VAV2: variants seen among roughly 807,000 people sequenced by gnomAD.
VAV2 encodes the protein vav guanine nucleotide exchange factor 2.
VAV2 carries 67 observed loss-of-function variants against 132.5 expected under a neutral mutation model. That is an observed-to-expected ratio of 0.51 (90% CI 0.42 to 0.62). VAV2 has a LOEUF of 0.62. Ranked by LOEUF, VAV2 falls within the 20% of genes least tolerant of loss-of-function variation. The pLI is 0.00. For missense variants in VAV2, 938 were observed against 1,153.6 expected (o/e 0.81, Z 2.71); for synonymous variants, 492 against 443.5 (o/e 1.11, Z -1.37).
At chr9:133,940,878 C>T (rs1327368014) in intron 1 of VAV2, among the ~76,000 whole-genome samples, 1 of 151,380 alleles carries the variant, frequency 6.6e-6, no homozygotes, top group Non-Finnish European at 1.5e-5. Context: ...ACCTTACTTG[C>T]ATTTCCCTAA....
intron 4 of VAV2, among the ~76,000 whole-genome samples, chr9:133,812,824 C>T (rs1014186844): frequency 2.0e-5 from 3 of 152,208 alleles, no homozygotes; most frequent in Non-Finnish European, 4.4e-5. Context: ...CCTACTCCAA[C>T]AAGCCACCCC....
chr9:133,792,128 G>T, intron 12 of VAV2, among the ~76,000 whole-genome samples: 1 of 49,740 alleles, frequency 2.0e-5, no homozygotes, highest in African/African-American at 8.2e-5. Context: ...GTGTGTGTGA[G>T]CGGGTTGTGC....
intron 2 of VAV2, among the ~76,000 whole-genome samples, chr9:133,937,374 T>G (rs1190830845): frequency 6.6e-6 from 1 of 150,612 alleles, no homozygotes; most frequent in African/African-American, 2.5e-5. Flanking sequence ...TGTTTGTGTG[T>G]GGTGTGTCCA....
intron 4 of VAV2, among the ~76,000 whole-genome samples, chr9:133,815,247 GT>G: frequency 6.6e-6 from 1 of 152,042 alleles, no homozygotes; most frequent in South Asian, 2.1e-4. Context: ...CCGGATCTAG[GT>G]ACAAGTCCAC....
At chr9:133,797,615 C>A (rs1333081556) in intron 10 of VAV2, 95 bp downstream of exon 10, 16 of 1,134,632 alleles carry the variant, frequency 1.4e-5, no homozygotes, top group South Asian at 6.2e-5. Context: ...ACCTTCCCAA[C>A]AAATGGGCAA....
intron 3 of VAV2, among the ~76,000 whole-genome samples, chr9:133,836,036 T>G (rs906089451): frequency 3.9e-5 from 6 of 152,200 alleles, no homozygotes; most frequent in African/African-American, 7.2e-5. Flanking sequence ...CAGGCAGAGC[T>G]GAGGCTGCCA....
chr9:133,812,407 A>G (rs1835395673), intron 4 of VAV2, among the ~76,000 whole-genome samples, 191 bp from the exon 5 acceptor site: 1 of 152,198 alleles, frequency 6.6e-6, no homozygotes, highest in East Asian at 1.9e-4. Flanking sequence ...TGGGCAGCGT[A>G]AGGCGCATCC....
intron 2 of VAV2, among the ~76,000 whole-genome samples, chr9:133,893,057 C>T (rs1024756188): frequency 3.9e-5 from 6 of 152,204 alleles, no homozygotes; most frequent in Non-Finnish European, 7.3e-5. Flanking sequence ...CGCAGTAAGG[C>T]GGACTCAGCT....
chr9:133,807,430 G>A, intron 7 of VAV2, 104 bp from the exon 8 acceptor site: 2 of 1,200,296 alleles, frequency 1.7e-6, no homozygotes, highest in Non-Finnish European at 2.3e-6. Flanking sequence ...GGCAGGCACT[G>A]GGGTGCTCCA....
intron 16 of VAV2, 45 bp from the exon 17 acceptor site, chr9:133,785,930 G>A (rs1399157827): frequency 6.5e-7 from 1 of 1,549,050 alleles, no homozygotes; most frequent in South Asian, 1.1e-5. Context: ...CACGGCTTCA[G>A]ACATCCTGGC....
intron 1 of VAV2, among the ~76,000 whole-genome samples, chr9:133,975,037 C>T (rs1842462124): frequency 6.6e-6 from 1 of 152,244 alleles, no homozygotes; most frequent in African/African-American, 2.4e-5. Context: ...TGTGGTCCAT[C>T]TCAAGGCCCT....
chr9:133,774,616 C>A (rs1001557171), intron 25 of VAV2, among the ~76,000 whole-genome samples: 1 of 152,190 alleles, frequency 6.6e-6, no homozygotes, highest in African/African-American at 2.4e-5. Flanking sequence ...CCTGAGCTCA[C>A]ACAGGATCTC....
chr9:133,791,736 T>A (rs1834469864), intron 13 of VAV2, 47 bp downstream of exon 13: 1 of 1,526,498 alleles, frequency 6.6e-7, no homozygotes, highest in South Asian at 1.1e-5. Flanking sequence ...ACTTTATAGG[T>A]ACGTCCTCAT....
rs1172816828 is a variant in VAV2, at chr9:133,935,154, A to G, written c.321+3949T>C. ...AGGAACAGGGGGAGGGCACGCAGCC[A>G]TATCTTCATGGTCTGAGGTTGCTGG... On this transcript the variant is annotated intron_variant, in intron 2 of 29. Transcript: ENST00000371850. This position sits in a 1 kb window ranked among gnomAD's most constrained non-coding sequence, Gnocchi z 5.2. Among the ~76,000 whole-genome samples the G allele has an allele frequency of 6.6e-6, 1 of 152,122 alleles. No homozygotes were observed. The highest frequency in any genetic ancestry group is 2.4e-5 in the African/African-American group (1 of 41,418).
chr9:133,938,745 A>T (rs1841020182), intron 2 of VAV2, among the ~76,000 whole-genome samples: 1 of 152,138 alleles, frequency 6.6e-6, no homozygotes, highest in Admixed American at 6.5e-5. Flanking sequence ...TCAGAGGAAG[A>T]ATCAAGATTC....
intron 3 of VAV2, among the ~76,000 whole-genome samples, chr9:133,845,104 T>C (rs1410152672): frequency 6.6e-6 from 1 of 152,264 alleles, no homozygotes; most frequent in Non-Finnish European, 1.5e-5. Flanking sequence ...TCCCCCGCTC[T>C]CGCGTCTGGC....
intron 2 of VAV2, among the ~76,000 whole-genome samples, chr9:133,900,686 G>A (rs1165596882): frequency 6.6e-6 from 1 of 152,034 alleles, no homozygotes; most frequent in East Asian, 1.9e-4. Flanking sequence ...CTATCTTTGG[G>A]ACTTTATTTA....
chr9:133,888,925 C>CCGTCATTCGCATTCGCAAGGAGA (rs1838817926), intron 2 of VAV2, among the ~76,000 whole-genome samples: 2 of 152,202 alleles, frequency 1.3e-5, no homozygotes, highest in African/African-American at 4.8e-5. Context: ...GGCGGACAGC[C>CCGTCATTCGCATTCGCAAGGAGA]CGTCATTCGC....
At chr9:133,786,784 A>C (rs1261393067) in intron 16 of VAV2, among the ~76,000 whole-genome samples, 2 of 152,226 alleles carry the variant, frequency 1.3e-5, no homozygotes, top group Non-Finnish European at 2.9e-5. Context: ...TGGTCCAGAA[A>C]AAAGAGTTTG....
Sources: allele counts gnomAD v4.1 joint callset (sites outside exome capture counted in the v4.1 genomes callset), GRCh38; gene constraint gnomAD v4.1.1; non-coding constraint Gnocchi (gnomAD v3.1); transcripts MANE v1.5; gene names NCBI Gene and HGNC (gene_info 2026-07-23, HGNC 2026-07-21).